PATL1: variants seen among roughly 807,000 people sequenced by gnomAD.
PATL1 encodes the protein protein PAT1 homolog 1.
In PATL1, 32 loss-of-function variants were observed where a neutral mutation model predicts 100.6. The ratio of observed to expected loss-of-function variants is 0.32; its 90% CI spans 0.24 to 0.43. The LOEUF (loss-of-function observed/expected upper bound fraction) is 0.43. Ranked by LOEUF, PATL1 falls within the 20% of genes least tolerant of loss-of-function variation. The pLI, the probability that PATL1 is intolerant of heterozygous loss-of-function variation, is 1.00. For missense variants in PATL1, 747 were observed against 949.9 expected, an observed-to-expected ratio of 0.79 and a Z score of 2.81; for synonymous variants, 332 against 330.0, an observed-to-expected ratio of 1.01 and a Z score of -0.07.
intron 15 of PATL1, among the ~76,000 whole-genome samples, 195 bp downstream of exon 15, chr11:59,647,557 CAT>C (rs1170168511): frequency 1.3e-5 from 2 of 152,140 alleles, no homozygotes. Context: ...TGTTTAGAAA[CAT>C]AGTCTGTTCC....
intron 2 of PATL1, among the ~76,000 whole-genome samples, chr11:59,661,287 T>C (rs2134759354): frequency 6.6e-6 from 1 of 152,242 alleles, no homozygotes; most frequent in South Asian, 2.1e-4. Context: ...GGTTTCCCCA[T>C]GTTGCCCAGA....
At chr11:59,658,121 ACCAGTGCACT>A (rs1280479814) in intron 4 of PATL1, among the ~76,000 whole-genome samples, 1 of 151,818 alleles carries the variant, frequency 6.6e-6, no homozygotes, top group African/African-American at 2.4e-5. Context: ...CTATGACTGT[ACCAGTGCACT>A]CTAGCCTGGT....
intron 8 of PATL1, among the ~76,000 whole-genome samples, chr11:59,654,420 T>C (rs1861493108): frequency 6.8e-6 from 1 of 146,526 alleles, no homozygotes; most frequent in Non-Finnish European, 1.5e-5. Context: ...GAGGTTGCAG[T>C]GAGCCGAGAT....
intron 6 of PATL1, among the ~76,000 whole-genome samples, 164 bp from the exon 7 acceptor site, chr11:59,656,209 A>G (rs1216327878): frequency 6.6e-6 from 1 of 152,200 alleles, no homozygotes; most frequent in Non-Finnish European, 1.5e-5. Flanking sequence ...GAAATTATAA[A>G]AACACCATGA....
chr11:59,643,291 G>T (rs1159384684), intron 15 of PATL1, among the ~76,000 whole-genome samples: 2 of 151,922 alleles, frequency 1.3e-5, no homozygotes, highest in Non-Finnish European at 2.9e-5. Context: ...CATACCAAGA[G>T]TTATGCTAAA....
intron 8 of PATL1, among the ~76,000 whole-genome samples, chr11:59,654,807 A>G (rs570413517): frequency 6.6e-6 from 1 of 152,304 alleles, no homozygotes; most frequent in South Asian, 2.1e-4. Context: ...GGTATTTTGT[A>G]AAGATGTGAT....
intron 4 of PATL1, 104 bp downstream of exon 4, chr11:59,658,762 G>T: frequency 1.2e-6 from 1 of 809,422 alleles, no homozygotes; most frequent in Non-Finnish European, 2.0e-6. Flanking sequence ...CATAATTCTA[G>T]CAAATGAAAG....
At chr11:59,643,285 C>T (rs1379824946) in intron 15 of PATL1, among the ~76,000 whole-genome samples, 1 of 151,950 alleles carries the variant, frequency 6.6e-6, no homozygotes, top group Non-Finnish European at 1.5e-5. Flanking sequence ...CAAATACATA[C>T]CAAGAGTTAT....
At chr11:59,658,590 T>A (rs1338170767) in intron 4 of PATL1, among the ~76,000 whole-genome samples, 4 of 152,204 alleles carry the variant, frequency 2.6e-5, no homozygotes, top group African/African-American at 9.6e-5. Flanking sequence ...CTCAAAGTGC[T>A]GGGATTACAC....
At chr11:59,665,967 T>C (rs1018920641) in intron 2 of PATL1, among the ~76,000 whole-genome samples, 2 of 152,176 alleles carry the variant, frequency 1.3e-5, no homozygotes, top group Non-Finnish European at 2.9e-5. Flanking sequence ...GGCTCTTCAG[T>C]TTTTAAACTT....
rs116302692 is a variant in PATL1, at chr11:59,662,836, A to G, written c.128-3367T>C. Among the ~76,000 whole-genome samples the G allele has an allele frequency of 3.8e-3, 576 of 152,288 alleles. 5 individuals carry two copies. The highest frequency in any genetic ancestry group is 0.012 in the African/African-American group (513 of 41,564). On this transcript the variant is annotated intron_variant, in intron 2 of 18. Transcript: ENST00000300146. ...TGCTAACTTTACCAAATCCTATCAA[A>G]TATGGATAATCTATTTCCCCTTAAT... is the stretch of plus-strand genomic sequence containing the variant.
intron 16 of PATL1, among the ~76,000 whole-genome samples, chr11:59,642,438 G>A (rs774092439): frequency 6.6e-6 from 1 of 152,182 alleles, no homozygotes; most frequent in Non-Finnish European, 1.5e-5. Flanking sequence ...GCTATTAACA[G>A]TAAGTAGAAG....
rs1861461651 is a variant in PATL1, at chr11:59,652,504, G to A, written c.1386C>T (p.Ile462=). The change falls in exon 11 of 19, where the codon ATC becomes ATT. Residue 462 remains isoleucine (I), a synonymous_variant. Transcript: ENST00000300146. The stretch of plus-strand genomic sequence containing the variant: ...GCTCCAGTTTGGCCACCTGAGGGGT[G>A]ATAAGCTTGGTGCGCTCCTTCTTAG... ...DGPKKERTKL[I]TPQVAKLEHA... is the part of the protein sequence containing the mutation. 2 of 1,613,964 alleles carry A rather than the reference G, an allele frequency of 1.2e-6. No individual in the cohort carries two copies. Among genetic ancestry groups the A allele is most frequent in the African/African-American group, 1.3e-5 (1 of 75,058 alleles).
intron 15 of PATL1, among the ~76,000 whole-genome samples, chr11:59,643,972 G>A (rs1348512040): frequency 6.6e-6 from 1 of 152,064 alleles, no homozygotes. Flanking sequence ...ACACAACAAA[G>A]GAAATCAAGA....
chr11:59,664,686 G>A (rs1408133179), intron 2 of PATL1, among the ~76,000 whole-genome samples: 1 of 152,118 alleles, frequency 6.6e-6, no homozygotes, highest in East Asian at 1.9e-4. Flanking sequence ...GGATCCTCCA[G>A]CCTCAGCCTC....
intron 15 of PATL1, among the ~76,000 whole-genome samples, chr11:59,643,258 TA>T (rs1344413000): frequency 6.6e-6 from 1 of 150,994 alleles, no homozygotes; most frequent in African/African-American, 2.4e-5. Flanking sequence ...ACCAAAGGTG[TA>T]AAAAAAAATC....
chr11:59,639,234 A>G, intron 17 of PATL1, 37 bp from the exon 18 acceptor site: 1 of 1,602,284 alleles, frequency 6.2e-7, no homozygotes, highest in Non-Finnish European at 8.5e-7. Context: ...CAGGAGAAAA[A>G]AATTTAAAAG....
At chr11:59,641,444 T>C (rs567506415) in intron 16 of PATL1, among the ~76,000 whole-genome samples, 1 of 152,176 alleles carries the variant, frequency 6.6e-6, no homozygotes, top group African/African-American at 2.4e-5. Context: ...CTAGACTCAC[T>C]CACTTTTCCA....
Position 59,643,027 on chromosome 11 carries a change from T to A in PATL1, c.1902A>T (p.Pro634=). 1 of 1,613,658 alleles carries A rather than the reference T, an allele frequency of 6.2e-7. No homozygotes were observed. The highest frequency in any genetic ancestry group is 8.5e-7 in the Non-Finnish European group (1 of 1,179,762). The change falls in exon 16 of 19, where the codon CCA becomes CCT. Residue 634 remains proline (P), a synonymous_variant. Transcript: ENST00000300146. ...IKKDAQDEVL[P]CLLSPFSLLL... is the part of the protein sequence containing the mutation. ...GGAGAGAGAAGGGACTCAGTAAGCATGGCAGCACCTACAAAAAACAAATAA... is the reference window on the plus strand; with the variant it reads ...GGAGAGAGAAGGGACTCAGTAAGCAAGGCAGCACCTACAAAAAACAAATAA...
Sources: allele counts gnomAD v4.1 joint callset (sites outside exome capture counted in the v4.1 genomes callset), GRCh38; gene constraint gnomAD v4.1.1; transcripts MANE v1.5; gene names NCBI Gene and HGNC (gene_info 2026-07-23, HGNC 2026-07-21).